The following ZFAT variants were observed in gnomAD, a reference collection of about 807,000 sequenced individuals.
ZFAT encodes zinc finger and AT-hook domain containing.
Under a neutral mutation model 117.7 loss-of-function variants are expected in ZFAT, and 64 were observed. The ratio of observed to expected loss-of-function variants is 0.54; its 90% confidence interval spans 0.44 to 0.67. ZFAT has a LOEUF of 0.67. Among genes scored for constraint, ZFAT ranks in the 30% least tolerant of loss-of-function variants. The pLI is 0.00. For missense variants in ZFAT, 1,433 were observed against 1,584.5 expected (o/e 0.90, Z 1.62); for synonymous variants, 679 against 615.0 (o/e 1.10, Z -1.54).
intron 15 of ZFAT, among the ~76,000 whole-genome samples, chr8:134,482,158 T>C (rs1370112350): frequency 7.9e-5 from 12 of 152,176 alleles, no homozygotes; most frequent in South Asian, 2.1e-4. Flanking sequence ...GTCTCCCACC[T>C]TGACTTCTTC....
the ZFAT span, among the ~76,000 whole-genome samples, chr8:134,802,873 T>G: frequency 6.6e-6 from 1 of 152,178 alleles, no homozygotes; most frequent in African/African-American, 2.4e-5. Flanking sequence ...CCATTTGCTA[T>G]AAATAATCAA....
chr8:134,513,009 G>A (rs1819970290), intron 13 of ZFAT, among the ~76,000 whole-genome samples: 1 of 152,176 alleles, frequency 6.6e-6, no homozygotes, highest in Admixed American at 6.5e-5. Flanking sequence ...GTGGCCAACA[G>A]AGGAAGGGGC....
At chr8:134,750,653 C>A in the ZFAT span, among the ~76,000 whole-genome samples, 2 of 152,142 alleles carry the variant, frequency 1.3e-5, no homozygotes, top group Non-Finnish European at 2.9e-5. Context: ...GTAGTCCAAA[C>A]TACTCAGGAG....
intron 7 of ZFAT, among the ~76,000 whole-genome samples, chr8:134,593,071 T>C (rs552679610): frequency 6.6e-6 from 1 of 152,182 alleles, no homozygotes; most frequent in South Asian, 2.1e-4. Context: ...CCTCTGCCCT[T>C]GGCCTTGGGC....
intron 7 of ZFAT, among the ~76,000 whole-genome samples, chr8:134,593,093 G>A (rs1259056874): frequency 2.0e-5 from 3 of 151,968 alleles, no homozygotes; most frequent in African/African-American, 7.3e-5. Context: ...AGATGCCCCG[G>A]GTCAGGCGGG....
chr8:134,624,378 G>A (rs527693731), intron 3 of ZFAT, among the ~76,000 whole-genome samples: 4 of 151,524 alleles, frequency 2.6e-5, no homozygotes, highest in South Asian at 2.1e-4. Flanking sequence ...TCCTGTGGCC[G>A]GGCATGGTGG....
the ZFAT span, among the ~76,000 whole-genome samples, chr8:134,811,020 AG>A: frequency 6.6e-6 from 1 of 152,198 alleles, no homozygotes; most frequent in Admixed American, 6.5e-5. Flanking sequence ...GAAAAAAAAA[AG>A]CATCAAAAAC....
chr8:134,565,426 A>T lies in ZFAT; in HGVS notation c.2888-5T>A. ...CCGTGCACTTAAACTGCTTCCCTGG[A>T]AAGAAGCGGAGGACAAGATGAGCGT... On this transcript the variant is annotated splice_polypyrimidine_tract_variant and splice_region_variant and intron_variant, in intron 10 of 15. Coordinates refer to ENST00000377838, the MANE Select transcript of ZFAT (RefSeq NM_020863.4). The T allele has an allele frequency of 6.2e-7, 1 of 1,611,872 alleles. No homozygotes were observed. The highest frequency in any genetic ancestry group is 8.5e-7 in the Non-Finnish European group (1 of 1,179,410).
chr8:134,489,066 A>C (rs6981748), intron 15 of ZFAT, among the ~76,000 whole-genome samples: 118,459 of 149,928 alleles, frequency 0.79, 47,641 homozygotes, highest in African/African-American at 0.93. Context: ...ACCATCAGGA[A>C]CCAGATCATG....
chr8:134,740,768 A>G, the ZFAT span, among the ~76,000 whole-genome samples: 8 of 152,288 alleles, frequency 5.3e-5, no homozygotes, highest in East Asian at 1.5e-3. Context: ...CTTCTCCCTC[A>G]GCAGGGCTAG....
chr8:134,592,867 ACAACCAAATGGT>A (rs1826623099), intron 7 of ZFAT, among the ~76,000 whole-genome samples: 1 of 152,262 alleles, frequency 6.6e-6, no homozygotes, highest in Non-Finnish European at 1.5e-5. Context: ...GTCCTTCTGA[ACAACCAAATGGT>A]TTCGATGCAT....
rs574496296 is a variant in ZFAT, at chr8:134,496,296, A to C, written c.3492+13323T>G. Among the ~76,000 whole-genome samples the C allele has an allele frequency of 4.0e-4, 61 of 152,382 alleles. 1 individual carries two copies. The highest frequency in any genetic ancestry group is 1.4e-3 in the African/African-American group (58 of 41,588). Reference sequence around the variant, plus strand: ...GTCCAAGGTCACACACTATTATGTGACAGATCCAACCCAAACAGTCTGGCT... The same window carrying C: ...GTCCAAGGTCACACACTATTATGTGCCAGATCCAACCCAAACAGTCTGGCT... On this transcript the variant is annotated intron_variant, in intron 15 of 15. Transcript: ENST00000377838.
chr8:134,743,875 T>C, the ZFAT span, among the ~76,000 whole-genome samples: 1 of 152,228 alleles, frequency 6.6e-6, no homozygotes, highest in Non-Finnish European at 1.5e-5. Context: ...GAATTAAGAC[T>C]GCCTTTCTTT....
At position 134,512,495 on chromosome 8, in the gene ZFAT, A is replaced by G. The variant is rs1192879279; in HGVS notation, c.3341T>C (p.Leu1114Pro). The G allele has an allele frequency of 6.2e-7, 1 of 1,613,868 alleles. No homozygotes were observed. The highest frequency in any genetic ancestry group is 1.1e-5 in the South Asian group (1 of 91,084). Reference sequence around the variant, plus strand: ...CTCACCACTCTCAGAGGTGTATCTCAGGTCCTGGAGCGCGGCCACCGCTGC... The same window carrying G: ...CTCACCACTCTCAGAGGTGTATCTCGGGTCCTGGAGCGCGGCCACCGCTGC... ...TQAAVAALQD[L>P]RYTSESGDRL... Residue 1114 changes from leucine to proline, a missense_variant, in exon 14 of 16, where the codon CTG becomes CCG. Physicochemically the swap from Leu to Pro is moderately conservative, Grantham distance 98. Coordinates refer to ENST00000377838, the MANE Select transcript of ZFAT (RefSeq NM_020863.4).
intron 11 of ZFAT, among the ~76,000 whole-genome samples, chr8:134,553,799 G>A (rs1823368286): frequency 6.6e-6 from 1 of 152,200 alleles, no homozygotes; most frequent in African/African-American, 2.4e-5. Context: ...TTTTATCTCT[G>A]TGCTACAGGT....
chr8:134,790,992 TC>T, the ZFAT span, among the ~76,000 whole-genome samples: 1 of 152,192 alleles, frequency 6.6e-6, no homozygotes, highest in Non-Finnish European at 1.5e-5. Flanking sequence ...AGAGCAAGAC[TC>T]CATCTCCAAA....
At chr8:134,609,900 G>A (rs1042030526) in intron 4 of ZFAT, among the ~76,000 whole-genome samples, 3 of 152,122 alleles carry the variant, frequency 2.0e-5, no homozygotes, top group African/African-American at 4.8e-5. Flanking sequence ...ACCACCTTAG[G>A]ACATTTCCCA....
rs780787766 is a variant in ZFAT at position 134,533,945 on chromosome 8, C to T, written c.2977-973G>A. On this transcript the variant is annotated intron_variant, in intron 11 of 15. Coordinates refer to ENST00000377838, the MANE Select transcript of ZFAT (RefSeq NM_020863.4). ...CTGTAATCCACATGCTGTATGATTCCGACAGTGCTCCAGGGTCATTCAGGG... is the reference window on the plus strand; with the variant it reads ...CTGTAATCCACATGCTGTATGATTCTGACAGTGCTCCAGGGTCATTCAGGG... Among the ~76,000 whole-genome samples, 20 of 152,270 alleles carry T rather than the reference C, an allele frequency of 1.3e-4. 1 individual carries two copies. Among genetic ancestry groups the T allele is most frequent in the Middle Eastern group, 3.4e-3 (1 of 294 alleles).
chr8:134,578,833 A>G (rs1456207162), intron 10 of ZFAT, among the ~76,000 whole-genome samples: 1 of 152,216 alleles, frequency 6.6e-6, no homozygotes, highest in African/African-American at 2.4e-5. Flanking sequence ...GAGACAGTCA[A>G]GACTGACCCA....
Sources: gnomAD v4.1 joint callset for allele counts (sites outside exome capture counted in the v4.1 genomes callset) on GRCh38, gnomAD v4.1.1 for gene constraint, MANE v1.5 for transcripts, NCBI Gene and HGNC (gene_info 2026-07-23, HGNC 2026-07-21) for gene names.